Variants in KNL1 observed in about 807,000 individuals in gnomAD.
KNL1 encodes kinetochore scaffold 1, also known as outer kinetochore KNL1 complex subunit KNL1.
A neutral mutation model predicts 201.3 loss-of-function variants in KNL1; 66 were observed. The ratio of observed to expected loss-of-function variants is 0.33; its 90% CI spans 0.27 to 0.40. The LOEUF (loss-of-function observed/expected upper bound fraction) is 0.40, where lower values mean the gene tolerates loss of function less well. KNL1 is among the 10% of genes least tolerant of loss of function. KNL1 has a pLI of 1.00. For missense variants in KNL1, 2,815 were observed against 2,690.5 expected (o/e 1.05, Z -1.02); for synonymous variants, 895 against 899.2 (o/e 1.00, Z 0.08).
intron 13 of KNL1, among the ~76,000 whole-genome samples, chr15:40,634,334 T>G (rs1892996548): frequency 6.6e-6 from 1 of 152,118 alleles, no homozygotes; most frequent in African/African-American, 2.4e-5. Flanking sequence ...CTCGAACTCT[T>G]GACCTCGTGA....
At chr15:40,650,671 G>T in intron 19 of KNL1, 88 bp downstream of exon 19, 1 of 1,221,906 alleles carries the variant, frequency 8.2e-7, no homozygotes, top group Non-Finnish European at 1.1e-6. Flanking sequence ...GACAGGATTT[G>T]GGGACATGAG....
Position 40,651,996 on chromosome 15 carries a change from T to A in KNL1, c.6315-9T>A. Reference sequence around the variant, plus strand: ...ACGCTTTTTAAAAATCTTGTTTATCTCTCTACAGCTTGTCTGAGTGGGATG... The same window carrying A: ...ACGCTTTTTAAAAATCTTGTTTATCACTCTACAGCTTGTCTGAGTGGGATG... On this transcript the variant is annotated splice_polypyrimidine_tract_variant and intron_variant, in intron 20 of 25. Transcript: ENST00000399668. 1 of 1,600,808 alleles carries A rather than the reference T, an allele frequency of 6.2e-7. No individual in the cohort carries two copies. Among genetic ancestry groups the A allele is most frequent in the African/African-American group, 1.3e-5 (1 of 74,756 alleles).
chr15:40,625,401 G>C lies in KNL1; in HGVS notation c.5137G>C (p.Glu1713Gln), dbSNP rs566334339. The C allele has an allele frequency of 8.1e-6, 13 of 1,613,796 alleles. No homozygotes were observed. The East Asian group carries it at 2.7e-4, about 33-fold the overall frequency. The change falls in exon 10 of 26, where the codon GAG becomes CAG. Residue 1713 changes from glutamate (E) to glutamine (Q), a missense_variant. Around this residue, in one of 3 missense-constraint regions of KNL1, gnomAD observed 2,464 missense variants for 2,291.7 expected, o/e 1.08. Transcript: ENST00000399668. The stretch of plus-strand genomic sequence containing the variant: ...CCTAAGTCCTTCTCAATATATAAAT[G>C]AGGAAAATCTTCCTGTATATCCTGA... ...LNLSPSQYIN[E>Q]ENLPVYPDEI...
chr15:40,646,926 A>G, intron 16 of KNL1, 61 bp from the exon 17 acceptor site: 1 of 739,782 alleles, frequency 1.4e-6, no homozygotes, highest in South Asian at 1.5e-5. Flanking sequence ...GAGCAGTTTG[A>G]ACCATTTATA....
rs550701983 is a variant in KNL1, at chr15:40,599,515, C to T, written c.-17-3400C>T. Among the ~76,000 whole-genome samples the T allele has an allele frequency of 2.0e-5, 3 of 151,154 alleles. No individual in the cohort carries two copies. The East Asian group carries it at 6.1e-4, about 31-fold the overall frequency. On this transcript the variant is annotated intron_variant, in intron 1 of 25. Transcript: ENST00000399668. ...CCTCCCACCTCAGCCTCCAGAGTAG[C>T]TGGGACTACATGTGCGAGCCACCAT...
chr15:40,613,727 C>T (rs1469240742), intron 7 of KNL1, among the ~76,000 whole-genome samples: 1 of 152,070 alleles, frequency 6.6e-6, no homozygotes, highest in Non-Finnish European at 1.5e-5. Context: ...CTGCCTCAGC[C>T]TCCTGAGTAG....
At chr15:40,647,714 T>C (rs1893436506) in intron 17 of KNL1, among the ~76,000 whole-genome samples, 2 of 152,212 alleles carry the variant, frequency 1.3e-5, no homozygotes, top group South Asian at 4.1e-4. Flanking sequence ...CACATAATTC[T>C]GCATAGTCAT....
intron 1 of KNL1, among the ~76,000 whole-genome samples, chr15:40,597,969 A>C (rs1243861053): frequency 2.0e-5 from 3 of 152,178 alleles, no homozygotes; most frequent in Non-Finnish European, 4.4e-5. Context: ...GAAGAGTTCG[A>C]GACCAGCCTG....
intron 21 of KNL1, among the ~76,000 whole-genome samples, chr15:40,654,115 G>T (rs1227867128): frequency 5.9e-5 from 9 of 152,118 alleles, no homozygotes. Flanking sequence ...CTAACACATA[G>T]AAAATATGTA....
intron 25 of KNL1, among the ~76,000 whole-genome samples, chr15:40,661,854 AAC>A: frequency 6.6e-6 from 1 of 152,146 alleles, no homozygotes; most frequent in East Asian, 1.9e-4. Context: ...CATCCTGAGT[AAC>A]ACAGTGAAAC....
chr15:40,629,475 T>TC, intron 13 of KNL1, 104 bp downstream of exon 13: 1 of 507,028 alleles, frequency 2.0e-6, no homozygotes. Flanking sequence ...AGTTTTCTTT[T>TC]TTTTTTTTTT....
At chr15:40,615,522 AT>A in intron 8 of KNL1, 144 bp downstream of exon 8, 1 of 264,638 alleles carries the variant, frequency 3.8e-6, no homozygotes, top group Non-Finnish European at 7.6e-6. Context: ...TAATCCCAGT[AT>A]TTTGGCAGGC....
chr15:40,607,950 A>G (rs924545992), intron 4 of KNL1, among the ~76,000 whole-genome samples: 2 of 152,318 alleles, frequency 1.3e-5, no homozygotes, highest in Non-Finnish European at 2.9e-5. Flanking sequence ...TTCTGGATAT[A>G]TATCCAAAAG....
chr15:40,628,576 G>C (rs371797249), intron 11 of KNL1, 35 bp from the exon 12 acceptor site: 1 of 1,412,048 alleles, frequency 7.1e-7, no homozygotes, highest in East Asian at 2.3e-5. Flanking sequence ...GTTTAGTTTT[G>C]ACTTGTTCGT....
intron 22 of KNL1, 110 bp from the exon 23 acceptor site, chr15:40,656,932 C>T (rs959670513): frequency 5.9e-6 from 3 of 505,718 alleles, no homozygotes; most frequent in Non-Finnish European, 1.1e-5. Context: ...ACTTATGTAC[C>T]TGGTAGTTTG....
Position 40,621,077 on chromosome 15 carries a change from T to C in KNL1, c.813T>C (p.Thr271=). ...LKEDENNSNI[T]RLFREKDDGM... ...AAGATGAAAATAACAGTAATATTACTAGGCTCTTTAGAGAAAAAGATGATG... is the reference window on the plus strand; with the variant it reads ...AAGATGAAAATAACAGTAATATTACCAGGCTCTTTAGAGAAAAAGATGATG... The change falls in exon 10 of 26, where the codon ACT becomes ACC. Residue 271 remains threonine, a synonymous_variant. Transcript: ENST00000399668. 3 of 1,612,554 alleles carry C rather than the reference T, an allele frequency of 1.9e-6. No individual in the cohort carries two copies. The highest frequency in any genetic ancestry group is 1.7e-4 in the Middle Eastern group (1 of 6,058).
intron 19 of KNL1, 58 bp from the exon 20 acceptor site, chr15:40,651,413 A>G (rs73394793): frequency 2.7e-6 from 3 of 1,125,516 alleles, no homozygotes; most frequent in African/African-American, 1.6e-5. Context: ...TTTTATATTG[A>G]TAGAGTGAAT....
chr15:40,643,396 C>G (rs1371171088), intron 14 of KNL1: 1 of 151,940 alleles, frequency 6.6e-6, no homozygotes, highest in African/African-American at 2.4e-5. Context: ...ATCTCCTGAC[C>G]CCCGTGATCC....
At chr15:40,648,600 G>T (rs1285061352) in intron 17 of KNL1, among the ~76,000 whole-genome samples, 2 of 152,052 alleles carry the variant, frequency 1.3e-5, no homozygotes, top group African/African-American at 4.8e-5. Flanking sequence ...GGCAGCTTCA[G>T]CATCTCATGT....
Sources: allele counts gnomAD v4.1 joint callset (sites outside exome capture counted in the v4.1 genomes callset), GRCh38; gene constraint gnomAD v4.1.1; regional missense constraint gnomAD v4.1.1; transcripts MANE v1.5; gene names NCBI Gene and HGNC (gene_info 2026-07-23, HGNC 2026-07-21).